Variants in RADIL observed in about 807,000 individuals in gnomAD.
RADIL encodes the protein ras-associating and dilute domain-containing protein.
In RADIL, 99 loss-of-function variants were observed where a neutral mutation model predicts 97.6. The ratio of observed to expected loss-of-function variants is 1.01; its 90% CI spans 0.86 to 1.20. The LOEUF (loss-of-function observed/expected upper bound fraction) is 1.20. RADIL is among the 50% of genes most tolerant of loss of function. The probability of loss-of-function intolerance (pLI) is 0.00; values close to 1 mark genes in which losing one functional copy is unlikely to be tolerated. For missense variants in RADIL, 1,765 were observed against 1,498.9 expected (o/e 1.18, Z -2.93); for synonymous variants, 803 against 691.8 (o/e 1.16, Z -2.52).
Position 4,822,463 on chromosome 7 carries a change from G to A in RADIL, c.1546C>T (p.Leu516Phe), listed in dbSNP as rs775593318. ...CATTTCTGCTGGATAAAGTACAGGA[G>A]CTCGATGGAGTTAGACATCCAGAAA... ...ILFWMSNSIE[L>F]LYFIQQKCPL... Residue 516 changes from leucine (L) to phenylalanine (F), a missense_variant, in exon 6 of 15, where the codon CTC (leucine) becomes TTC (phenylalanine). Transcript: ENST00000399583. The surrounding 1 kb of genome is among the most constrained non-coding windows in gnomAD (Gnocchi z 5.3). 8 of 1,612,932 alleles carry A rather than the reference G, an allele frequency of 5.0e-6. No homozygotes were observed. Among genetic ancestry groups the A allele is most frequent in the Non-Finnish European group, 8.5e-7 (1 of 1,179,982 alleles).
Position 4,834,457 on chromosome 7 carries a change from G to A in RADIL, c.1416+150C>T. 2 of 932,350 alleles carry A rather than the reference G, an allele frequency of 2.1e-6. No individual in the cohort carries two copies. The highest frequency in any genetic ancestry group is 3.4e-5 in the African/African-American group (2 of 58,426). The allele number at this position is 932,350 out of a possible 1,614,324, so 57.8% of individuals were successfully genotyped here. A position where few individuals can be genotyped will look rare whatever the true frequency, so the allele number is the denominator to read the frequency against. On this transcript the variant is annotated intron_variant, in intron 4 of 14. Coordinates refer to ENST00000399583, the MANE Select transcript of RADIL (RefSeq NM_018059.5). This position sits in a 1 kb window ranked among gnomAD's most constrained non-coding sequence, Gnocchi z 6.0. The stretch of plus-strand genomic sequence containing the variant: ...GTGGCCTGTGGGGCTGGGGGGCAGC[G>A]ACAGGCAGGGAAAGGCCGCCCTGCG...
At chr7:4,812,587 A>T (rs1782576615) in intron 9 of RADIL, among the ~76,000 whole-genome samples, 1 of 151,734 alleles carries the variant, frequency 6.6e-6, no homozygotes, top group African/African-American at 2.4e-5. Context: ...ACGCCCAGCT[A>T]ATTTTTGTAT....
intron 2 of RADIL, among the ~76,000 whole-genome samples, chr7:4,869,052 G>A (rs990814058): frequency 2.0e-5 from 3 of 152,204 alleles, no homozygotes; most frequent in Non-Finnish European, 4.4e-5. Flanking sequence ...GGCTGAACCC[G>A]AGAAGTGGAG....
chr7:4,836,490 C>G lies in RADIL; in HGVS notation c.651G>C (p.Glu217Asp), dbSNP rs775613198. 6.2e-7 allele frequency: 1 copy of G among 1,607,768 alleles called. No homozygotes were observed. Among genetic ancestry groups the G allele is most frequent in the Non-Finnish European group, 8.5e-7 (1 of 1,178,246 alleles). Residue 217 changes from glutamate to aspartate, a missense_variant, in exon 3 of 15, where the codon GAG becomes GAC. Physicochemically the swap from Glu to Asp is conservative, Grantham distance 45. Transcript: ENST00000399583. ...GGGCGTTCACTGGGCTCAGGCTGGT[C>G]TCACTGACTGTGCGGCGCAACCGGG... Reference protein sequence around the residue: ...PPPRLRRTVSETSLSPVNALP... With the variant: ...PPPRLRRTVSDTSLSPVNALP...
chr7:4,878,705 A>G lies in RADIL; in HGVS notation c.-64-502T>C, dbSNP rs987559255. Among the ~76,000 whole-genome samples, 2 of 152,236 alleles carry G rather than the reference A, an allele frequency of 1.3e-5. No homozygotes were observed. The highest frequency in any genetic ancestry group is 4.8e-5 in the African/African-American group (2 of 41,472). On this transcript the variant is annotated intron_variant, in intron 1 of 14. Coordinates refer to ENST00000399583, the MANE Select transcript of RADIL (RefSeq NM_018059.5). The surrounding 1 kb of genome is among the most constrained non-coding windows in gnomAD (Gnocchi z 4.1). ...AAAGCCATTACTGGGAAACACAATG[A>G]GGTCGCCTAAGTAAGACACGCTCCG...
intron 10 of RADIL, among the ~76,000 whole-genome samples, chr7:4,804,361 G>A (rs1250905884): frequency 6.6e-6 from 1 of 152,250 alleles, no homozygotes; most frequent in Admixed American, 6.5e-5. Context: ...TGTTCTCCAC[G>A]GTGACCCGGG....
At chr7:4,799,576 C>T (rs1782005488) in intron 14 of RADIL, 54 bp downstream of exon 14, 2 of 1,608,286 alleles carry the variant, frequency 1.2e-6, no homozygotes, top group African/African-American at 1.3e-5. Flanking sequence ...CAGGTCCACT[C>T]CCCTGAGCAG....
intron 4 of RADIL, among the ~76,000 whole-genome samples, chr7:4,833,452 T>C (rs533339347): frequency 6.6e-6 from 1 of 152,068 alleles, no homozygotes; most frequent in Non-Finnish European, 1.5e-5. Context: ...ACGGGCACGC[T>C]GCAGTGGCAC....
chr7:4,800,210 T>TCGTTCCAG lies in RADIL; in HGVS notation c.2935_2942dup (p.Gly982TrpfsTer12). On this transcript the variant is annotated frameshift_variant, in exon 13 of 15. Transcript: ENST00000399583. LOFTEE classifies it high-confidence loss of function. ...GGCCCATCCCCAGCCCGGAGGGGCC[T>TCGTTCCAG]CGTTCCAGCTCCACCGTGAAGACGT... 6.2e-7 allele frequency: 1 copy of TCGTTCCAG among 1,608,248 alleles called. No individual in the cohort carries two copies. The highest frequency in any genetic ancestry group is 1.1e-5 in the South Asian group (1 of 90,348).
intron 1 of RADIL, among the ~76,000 whole-genome samples, chr7:4,882,731 G>C (rs924922652): frequency 8.5e-5 from 13 of 152,216 alleles, no homozygotes; most frequent in South Asian, 4.1e-4. Context: ...AATTCAATCA[G>C]ATTTAATTCT....
intron 9 of RADIL, chr7:4,811,040 G>A (rs1782529234): frequency 3.9e-5 from 6 of 151,920 alleles, no homozygotes; most frequent in Admixed American, 3.9e-4. Context: ...AAGAGGCCGA[G>A]GCAGGAGAAT....
Position 4,815,277 on chromosome 7 carries a change from C to T in RADIL, c.2139+1G>A, listed in dbSNP as rs769516855. The T allele has an allele frequency of 1.1e-5, 17 of 1,553,710 alleles. No individual in the cohort carries two copies. The highest frequency in any genetic ancestry group is 1.5e-5 in the Non-Finnish European group (17 of 1,149,024). ...TCGCCGCCTCCCATGCGCACCCCTA[C>T]CTGGATGAGCTGGGCCCTGGGTGTG... On this transcript the variant is annotated splice_donor_variant, in intron 9 of 14. Transcript: ENST00000399583. LOFTEE classifies it high-confidence loss of function. The surrounding 1 kb of genome is among the most constrained non-coding windows in gnomAD (Gnocchi z 8.0).
intron 2 of RADIL, among the ~76,000 whole-genome samples, chr7:4,871,203 G>T (rs73318125): frequency 0.084 from 12,779 of 152,262 alleles, 877 homozygotes; most frequent in African/African-American, 0.19. Flanking sequence ...CAGTTAAGTG[G>T]CAGTGAGTTA....
Position 4,834,462 on chromosome 7 carries a change from G to T in RADIL, c.1416+145C>A. On this transcript the variant is annotated intron_variant, in intron 4 of 14. Coordinates refer to ENST00000399583, the MANE Select transcript of RADIL (RefSeq NM_018059.5). The surrounding 1 kb of genome is among the most constrained non-coding windows in gnomAD (Gnocchi z 6.0). ...CTGTGGGGCTGGGGGGCAGCGACAG[G>T]CAGGGAAAGGCCGCCCTGCGCTCAG... is the stretch of plus-strand genomic sequence containing the variant. 1 of 974,630 alleles carries T rather than the reference G, an allele frequency of 1.0e-6. No homozygotes were observed. The highest frequency in any genetic ancestry group is 3.3e-5 in the East Asian group (1 of 30,388). The allele number at this position is 974,630 out of a possible 1,614,324, so 60.4% of individuals were successfully genotyped here.
rs117677304 is a variant in RADIL, at chr7:4,822,693, G to A, written c.1455-139C>T. The A allele has an allele frequency of 0.02, 20,022 of 1,019,924 alleles. 268 individuals carry two copies. Among genetic ancestry groups the A allele is most frequent in the Middle Eastern group, 0.045 (139 of 3,118 alleles). The allele number at this position is 1,019,924 out of a possible 1,614,324, so 63.2% of individuals were successfully genotyped here. A position where few individuals can be genotyped will look rare whatever the true frequency, so the allele number is the denominator to read the frequency against. ...AACCATCAACCTGACACTGCTGGGC[G>A]GGGACGTTTAACAATACGTGTACCC... On this transcript the variant is annotated intron_variant, in intron 5 of 14. Coordinates refer to ENST00000399583, the MANE Select transcript of RADIL (RefSeq NM_018059.5). This position sits in a 1 kb window ranked among gnomAD's most constrained non-coding sequence, Gnocchi z 5.3.
rs1782631123 is a variant in RADIL at position 4,814,638 on chromosome 7, C to T, written c.2139+640G>A. On this transcript the variant is annotated intron_variant, in intron 9 of 14. Transcript: ENST00000399583. The surrounding 1 kb of genome is among the most constrained non-coding windows in gnomAD (Gnocchi z 4.5). ...TCCCATTGCCGTTGTGACAAATGCC[C>T]ACACGCCTGGCGGTCACGGCCACAC... Among the ~76,000 whole-genome samples, 1 of 152,194 alleles carries T rather than the reference C, an allele frequency of 6.6e-6. No individual in the cohort carries two copies. The highest frequency in any genetic ancestry group is 2.1e-4 in the South Asian group (1 of 4,834).
At chr7:4,799,587 G>A (rs1389254803) in intron 14 of RADIL, 43 bp downstream of exon 14, 3 of 1,606,976 alleles carry the variant, frequency 1.9e-6, no homozygotes, top group Middle Eastern at 1.7e-4. Context: ...CCCTGAGCAG[G>A]GCATCTGGGA....
chr7:4,806,489 G>A (rs528923857), intron 9 of RADIL, among the ~76,000 whole-genome samples: 3 of 152,156 alleles, frequency 2.0e-5, no homozygotes, highest in African/African-American at 7.2e-5. Flanking sequence ...CTCCGGCCCA[G>A]GAAAACGTTT....
At position 4,835,991 on chromosome 7, in the gene RADIL, C is replaced by T. The variant is rs1030354938; in HGVS notation, c.783+367G>A. On this transcript the variant is annotated intron_variant, in intron 3 of 14. Coordinates refer to ENST00000399583, the MANE Select transcript of RADIL (RefSeq NM_018059.5). This position sits in a 1 kb window ranked among gnomAD's most constrained non-coding sequence, Gnocchi z 5.8. ...AATTGGTGACTCAGCAGCCCCCTCG[C>T]CAGAAGCAGGAAGCAGACTGGCCCT... Among the ~76,000 whole-genome samples, 2 of 152,202 alleles carry T rather than the reference C, an allele frequency of 1.3e-5. No individual in the cohort carries two copies. The highest frequency in any genetic ancestry group is 4.8e-5 in the African/African-American group (2 of 41,466).
Sources: allele counts gnomAD v4.1 joint callset (sites outside exome capture counted in the v4.1 genomes callset), GRCh38; gene constraint gnomAD v4.1.1; non-coding constraint Gnocchi (gnomAD v3.1); transcripts MANE v1.5; gene names NCBI Gene and HGNC (gene_info 2026-07-23, HGNC 2026-07-21).